The following NAALADL2 variants were observed in gnomAD, a reference collection of about 807,000 sequenced individuals.
NAALADL2 encodes the protein N-acetylated alpha-linked acidic dipeptidase like 2, also known as inactive N-acetylated-alpha-linked acidic dipeptidase-like protein 2.
A neutral mutation model predicts 87.2 loss-of-function variants in NAALADL2; 76 were observed. The observed-to-expected ratio is 0.87, with a 90% CI of 0.72 to 1.05. The LOEUF (loss-of-function observed/expected upper bound fraction) is 1.05. Ranked by LOEUF, NAALADL2 falls within the 50% of genes least tolerant of loss-of-function variation. NAALADL2 has a pLI of 0.00. For synonymous variants in NAALADL2, 354 were observed against 331.0 expected (o/e 1.07, Z -0.75); for missense variants, 1,089 against 945.8 (o/e 1.15, Z -1.99).
intron 5 of NAALADL2, among the ~76,000 whole-genome samples, chr3:175,378,624 C>T (rs899524365): frequency 1.3e-5 from 2 of 152,112 alleles, no homozygotes; most frequent in Admixed American, 6.5e-5. Context: ...TTCCTTGTAC[C>T]CTGTCCTGCA....
At chr3:175,228,151 A>G (rs1455619281) in intron 2 of NAALADL2, among the ~76,000 whole-genome samples, 16 of 151,936 alleles carry the variant, frequency 1.1e-4, no homozygotes, top group Non-Finnish European at 8.8e-5. Context: ...CCTTGAATCC[A>G]GTCAACAACC....
rs575618789 is a variant in NAALADL2 at position 175,606,818 on chromosome 3, C to T, written c.1801-20473C>T. Reference sequence around the variant, plus strand: ...AGAGAAGAGCAAAGCAATTTTGAGTCACCACTTGCTTTTCCTGTAGACAGG... The same window carrying T: ...AGAGAAGAGCAAAGCAATTTTGAGTTACCACTTGCTTTTCCTGTAGACAGG... On this transcript the variant is annotated intron_variant, in intron 10 of 13. Transcript: ENST00000454872. Among the ~76,000 whole-genome samples, 37 of 152,276 alleles carry T rather than the reference C, an allele frequency of 2.4e-4. No homozygotes were observed. The East Asian group carries it at 6.7e-3, about 28-fold the overall frequency.
At chr3:174,661,541 C>G (rs1725503218) in intron 2 of NAALADL2, among the ~76,000 whole-genome samples, 1 of 148,770 alleles carries the variant, frequency 6.7e-6, no homozygotes, top group Non-Finnish European at 1.5e-5. Flanking sequence ...GACACTGATG[C>G]TTCTTCTTCT....
intron 4 of NAALADL2, among the ~76,000 whole-genome samples, chr3:175,293,539 C>A (rs1411129055): frequency 1.3e-5 from 2 of 152,122 alleles, no homozygotes; most frequent in South Asian, 4.1e-4. Context: ...CTGCCCCCCT[C>A]CAAATTCCAA....
At chr3:175,266,242 A>G (rs1348141740) in intron 4 of NAALADL2, among the ~76,000 whole-genome samples, 1 of 151,098 alleles carries the variant, frequency 6.6e-6, no homozygotes, top group African/African-American at 2.4e-5. Flanking sequence ...TATTATAACC[A>G]TCTAACATCT....
chr3:174,610,519 T>C (rs879909770), intron 2 of NAALADL2, among the ~76,000 whole-genome samples: 2 of 152,146 alleles, frequency 1.3e-5, no homozygotes, highest in Non-Finnish European at 2.9e-5. Context: ...ATGAAAAGAC[T>C]GTTCTGAAAA....
At chr3:175,204,451 A>C (rs1248050655) in intron 2 of NAALADL2, among the ~76,000 whole-genome samples, 1 of 152,216 alleles carries the variant, frequency 6.6e-6, no homozygotes, top group Non-Finnish European at 1.5e-5. Flanking sequence ...TAATGTAATA[A>C]AATCCATCTA....
chr3:174,720,052 G>T (rs537459705), intron 2 of NAALADL2, among the ~76,000 whole-genome samples: 1 of 151,998 alleles, frequency 6.6e-6, no homozygotes, highest in African/African-American at 2.4e-5. Context: ...CACATGCCTT[G>T]GCCTCCTGAA....
chr3:175,648,438 A>G (rs1730306091), intron 11 of NAALADL2, among the ~76,000 whole-genome samples: 1 of 151,656 alleles, frequency 6.6e-6, no homozygotes, highest in African/African-American at 2.4e-5. Context: ...TTGGAACTAT[A>G]GTACCCCTGT....
chr3:175,134,563 C>CT (rs1560074316), intron 2 of NAALADL2, among the ~76,000 whole-genome samples: 3 of 151,862 alleles, frequency 2.0e-5, no homozygotes, highest in Non-Finnish European at 2.9e-5. Context: ...CTAAATATTA[C>CT]TTTTTTCTCA....
intron 2 of NAALADL2, among the ~76,000 whole-genome samples, chr3:175,160,537 A>T (rs1264406484): frequency 6.6e-6 from 1 of 151,664 alleles, no homozygotes; most frequent in Admixed American, 6.6e-5. Flanking sequence ...TTTTTAATAG[A>T]GACGGGGTTT....
chr3:175,216,294 T>C (rs1168540363), intron 2 of NAALADL2, among the ~76,000 whole-genome samples: 1 of 152,152 alleles, frequency 6.6e-6, no homozygotes, highest in African/African-American at 2.4e-5. Flanking sequence ...AATTTTGCTG[T>C]GGCCATCTCT....
chr3:175,465,952 T>G (rs1309427487), intron 7 of NAALADL2, among the ~76,000 whole-genome samples: 1 of 152,216 alleles, frequency 6.6e-6, no homozygotes, highest in Non-Finnish European at 1.5e-5. Context: ...TCAAAGTGGC[T>G]TACAAACAGT....
chr3:175,119,565 G>C lies in NAALADL2; in HGVS notation c.545+22274G>C, dbSNP rs879683771. On this transcript the variant is annotated intron_variant, in intron 2 of 13. Transcript: ENST00000454872. ...GAGTGAGAAGAGGAGGTAAGGAAAG[G>C]AGAAGAGGAAGAGAAAGAAATATAA... Among the ~76,000 whole-genome samples, 4 of 150,886 alleles carry C rather than the reference G, an allele frequency of 2.7e-5. No homozygotes were observed. The Admixed American group carries it at 2.7e-4, about 10-fold the overall frequency.
At chr3:175,222,575 ATTC>A (rs1743545758) in intron 2 of NAALADL2, among the ~76,000 whole-genome samples, 1 of 152,184 alleles carries the variant, frequency 6.6e-6, no homozygotes, top group African/African-American at 2.4e-5. Flanking sequence ...CATTCAGTGT[ATTC>A]TTAGAAACCT....
intron 9 of NAALADL2, among the ~76,000 whole-genome samples, chr3:175,510,244 G>A (rs977870322): frequency 3.9e-5 from 6 of 152,084 alleles, no homozygotes; most frequent in African/African-American, 1.4e-4. Context: ...CTCACTCACT[G>A]TATGGGGGAA....
chr3:175,592,017 T>G (rs1410273901), intron 10 of NAALADL2, among the ~76,000 whole-genome samples: 1 of 152,002 alleles, frequency 6.6e-6, no homozygotes, highest in African/African-American at 2.4e-5. Context: ...CTTACAAGTC[T>G]GCAAAGCACT....
At chr3:175,511,536 T>A (rs893963692) in intron 9 of NAALADL2, among the ~76,000 whole-genome samples, 1 of 152,170 alleles carries the variant, frequency 6.6e-6, no homozygotes, top group Non-Finnish European at 1.5e-5. Context: ...CCTGTGAACA[T>A]GTTGATCTTG....
chr3:175,236,291 A>G (rs1745844786), intron 3 of NAALADL2, among the ~76,000 whole-genome samples: 1 of 152,128 alleles, frequency 6.6e-6, no homozygotes, highest in South Asian at 2.1e-4. Flanking sequence ...GGGAGGCCGT[A>G]ATCCCAGCAC....
Sources: allele counts gnomAD v4.1 joint callset (sites outside exome capture counted in the v4.1 genomes callset), GRCh38; gene constraint gnomAD v4.1.1; transcripts MANE v1.5; gene names NCBI Gene and HGNC (gene_info 2026-07-23, HGNC 2026-07-21).